The following ALPK2 variants were observed in gnomAD, a reference collection of about 807,000 sequenced individuals.
ALPK2 encodes the protein alpha-protein kinase 2.
Under a neutral mutation model 163.1 loss-of-function variants are expected in ALPK2, and 127 were observed. The ratio of observed to expected loss-of-function variants is 0.78; its 90% CI spans 0.67 to 0.90. ALPK2 has a LOEUF of 0.90. Ranked by LOEUF, ALPK2 falls within the 40% of genes least tolerant of loss-of-function variation. ALPK2 has a pLI of 0.00. For synonymous variants in ALPK2, 953 were observed against 959.1 expected (o/e 0.99, Z 0.12); for missense variants, 2,360 against 2,589.6 (o/e 0.91, Z 1.92).
rs546015229 is a variant in ALPK2 at position 58,608,994 on chromosome 18, G to A, written c.110-1555C>T. Among the ~76,000 whole-genome samples, 135 of 151,184 alleles carry A rather than the reference G, an allele frequency of 8.9e-4. 1 individual carries two copies. The highest frequency in any genetic ancestry group is 1.3e-3 in the Non-Finnish European group (86 of 67,878). On this transcript the variant is annotated intron_variant, in intron 2 of 12. Transcript: ENST00000361673. ...AAGAAAAGAAAAGAAAAGAAAAAAC[G>A]GAACTCCATAGAAAGAGGAAAGACA...
chr18:58,561,097 C>T (rs2051823460), intron 4 of ALPK2, among the ~76,000 whole-genome samples: 2 of 152,136 alleles, frequency 1.3e-5, no homozygotes, highest in South Asian at 4.1e-4. Context: ...TTCAACTTAA[C>T]ATTTATTGAG....
chr18:58,609,258 G>A (rs927595566), intron 2 of ALPK2, among the ~76,000 whole-genome samples: 3 of 152,188 alleles, frequency 2.0e-5, no homozygotes, highest in Non-Finnish European at 4.4e-5. Context: ...CTGCATGCAA[G>A]GATAAATCCT....
chr18:58,624,166 CAT>C (rs1307071985), intron 1 of ALPK2, among the ~76,000 whole-genome samples: 1 of 152,162 alleles, frequency 6.6e-6, no homozygotes, highest in Non-Finnish European at 1.5e-5. Flanking sequence ...AAGCCAATCA[CAT>C]GTGGCACTCT....
At chr18:58,512,924 G>A (rs1188209812) in intron 10 of ALPK2, among the ~76,000 whole-genome samples, 5 of 131,928 alleles carry the variant, frequency 3.8e-5, no homozygotes, top group Non-Finnish European at 8.2e-5. Flanking sequence ...TGTGTGATGT[G>A]TGGGGTGTGT....
rs901193216 is a variant in ALPK2 at position 58,593,086 on chromosome 18, T to C, written c.228-12538A>G. 7.2e-5 allele frequency among the ~76,000 whole-genome samples: 11 copies of C among 152,308 alleles called. No individual in the cohort carries two copies. The South Asian group carries it at 1.9e-3, about 26-fold the overall frequency. On this transcript the variant is annotated intron_variant, in intron 3 of 12. Transcript: ENST00000361673. Reference sequence around the variant, plus strand: ...ATGTCAGGACACCTTTGTCCAAACCTGTAGAACGGACACCAAGAGTGAACC... The same window carrying C: ...ATGTCAGGACACCTTTGTCCAAACCCGTAGAACGGACACCAAGAGTGAACC...
At chr18:58,484,611 G>C (rs2051329156) in intron 12 of ALPK2, among the ~76,000 whole-genome samples, 2 of 152,124 alleles carry the variant, frequency 1.3e-5, no homozygotes, top group Non-Finnish European at 2.9e-5. Context: ...GGGTGTGGTG[G>C]CATGCGCCTG....
chr18:58,543,598 A>C (rs541460908), intron 4 of ALPK2, among the ~76,000 whole-genome samples: 1 of 152,186 alleles, frequency 6.6e-6, no homozygotes, highest in Non-Finnish European at 1.5e-5. Flanking sequence ...ACCAATGCTG[A>C]AATGACAGGA....
At chr18:58,529,281 C>T in intron 5 of ALPK2, 43 bp from the exon 6 acceptor site, 4 of 1,551,164 alleles carry the variant, frequency 2.6e-6, no homozygotes, top group Non-Finnish European at 3.5e-6. Context: ...AAAAGACTTT[C>T]CCATTTCATA....
chr18:58,535,734 C>G lies in ALPK2; in HGVS notation c.4453G>C (p.Glu1485Gln), dbSNP rs146029361. 1.9e-6 allele frequency: 3 copies of G among 1,614,102 alleles called. No homozygotes were observed. The African/African-American group carries it at 4.0e-5, about 22-fold the overall frequency. ...MKQEAEQIQP[E>Q]EAKTAIWQVL... is the part of the protein sequence containing the mutation. ...TGCCAAATGGCAGTTTTTGCCTCCT[C>G]AGGTTGAATTTGTTCAGCCTCCTGC... The change falls in exon 5 of 13, where the codon GAG becomes CAG. Residue 1485 changes from glutamate to glutamine, a missense_variant. Transcript: ENST00000361673.
chr18:58,553,677 A>G (rs1236650294), intron 4 of ALPK2, among the ~76,000 whole-genome samples: 1 of 151,860 alleles, frequency 6.6e-6, no homozygotes, highest in Non-Finnish European at 1.5e-5. Flanking sequence ...TCCCTGCTTC[A>G]CTTGGCATTT....
chr18:58,623,570 A>G (rs113544723), intron 1 of ALPK2, among the ~76,000 whole-genome samples: 4,568 of 152,224 alleles, frequency 0.03, 214 homozygotes, highest in African/African-American at 0.1. Context: ...GGCTCAAGCA[A>G]TCCTCCCTCC....
chr18:58,534,991 C>T lies in ALPK2; in HGVS notation c.5196G>A (p.Leu1732=). Residue 1732 remains leucine (L), a synonymous_variant, in exon 5 of 13, where the codon TTG becomes TTA. Transcript: ENST00000361673. ...HLAEGVKKKI[L]SRVAALRLKL... The stretch of plus-strand genomic sequence containing the variant: ...TCAGCCTCAGTGCTGCCACCCTGGA[C>T]AAAATTTTCTTCTTTACTCCCTCAG... 2.5e-6 allele frequency: 4 copies of T among 1,614,152 alleles called. No homozygotes were observed. Among genetic ancestry groups the T allele is most frequent in the Non-Finnish European group, 3.4e-6 (4 of 1,180,004 alleles).
chr18:58,533,970 C>A (rs900789165), intron 5 of ALPK2, among the ~76,000 whole-genome samples: 1 of 152,130 alleles, frequency 6.6e-6, no homozygotes, highest in Admixed American at 6.5e-5. Context: ...CGTAGCTTTT[C>A]GCTCCAGAGC....
chr18:58,535,105 T>G lies in ALPK2; in HGVS notation c.5082A>C (p.Arg1694=). The G allele has an allele frequency of 6.2e-7, 1 of 1,614,154 alleles. No individual in the cohort carries two copies. The highest frequency in any genetic ancestry group is 1.1e-5 in the South Asian group (1 of 91,080). The part of the protein sequence containing the change: ...SREREKSLEA[R]AGKSPGTLTA... ...TGAGGGTCCCTGGCGATTTGCCTGCTCGGGCTTCCAGGGACTTCTCTCTCT... is the reference window on the plus strand; with the variant it reads ...TGAGGGTCCCTGGCGATTTGCCTGCGCGGGCTTCCAGGGACTTCTCTCTCT... The change falls in exon 5 of 13, where the codon CGA becomes CGC. Residue 1694 remains arginine (R), a synonymous_variant. Coordinates refer to ENST00000361673, the MANE Select transcript of ALPK2 (RefSeq NM_052947.4).
chr18:58,550,636 ACG>A (rs1263178852), intron 4 of ALPK2, among the ~76,000 whole-genome samples: 10 of 151,876 alleles, frequency 6.6e-5, no homozygotes, highest in African/African-American at 9.7e-5. Context: ...CATCTCCATC[ACG>A]TACAACCCCA....
At chr18:58,543,756 C>T (rs530863917) in intron 4 of ALPK2, among the ~76,000 whole-genome samples, 3 of 152,220 alleles carry the variant, frequency 2.0e-5, no homozygotes, top group Non-Finnish European at 4.4e-5. Context: ...AATTAAAAAC[C>T]GACACATGAG....
intron 4 of ALPK2, chr18:58,578,403 GT>G (rs567990005): frequency 4.5e-4 from 71 of 158,576 alleles, no homozygotes; most frequent in African/African-American, 1.4e-3. Context: ...TAAAAACAAT[GT>G]TTTTTTCCCC....
chr18:58,559,037 C>T (rs1022207135), intron 4 of ALPK2, among the ~76,000 whole-genome samples: 10 of 152,174 alleles, frequency 6.6e-5, no homozygotes, highest in Non-Finnish European at 1.3e-4. Context: ...ATTGTACTTA[C>T]AAAAAATTAC....
chr18:58,483,264 A>G (rs146821315), intron 12 of ALPK2, among the ~76,000 whole-genome samples: 86 of 152,336 alleles, frequency 5.6e-4, no homozygotes, highest in African/African-American at 1.9e-3. Context: ...GCCCCTCCCC[A>G]TCAATGCATT....
Sources: gnomAD v4.1 joint callset for allele counts (sites outside exome capture counted in the v4.1 genomes callset) on GRCh38, gnomAD v4.1.1 for gene constraint, MANE v1.5 for transcripts, NCBI Gene and HGNC (gene_info 2026-07-23, HGNC 2026-07-21) for gene names.